The following EPHX2 variants were observed in gnomAD, a reference collection of about 807,000 sequenced individuals.
EPHX2 encodes epoxide hydrolase 2.
A neutral mutation model predicts 78.7 loss-of-function variants in EPHX2; 74 were observed. The ratio of observed to expected loss-of-function variants is 0.94; its 90% CI spans 0.78 to 1.14. The LOEUF (loss-of-function observed/expected upper bound fraction) is 1.14. Among genes scored for constraint, EPHX2 ranks in the 50% most tolerant of loss-of-function variants. The pLI, the probability that EPHX2 is intolerant of heterozygous loss-of-function variation, is 0.00. For synonymous variants in EPHX2, 251 were observed against 255.2 expected (o/e 0.98, Z 0.16); for missense variants, 715 against 702.5 (o/e 1.02, Z -0.20).
intron 14 of EPHX2, 68 bp downstream of exon 14, chr8:27,538,760 G>T: frequency 1.3e-6 from 2 of 1,550,330 alleles, no homozygotes; most frequent in South Asian, 2.2e-5. Context: ...TTCTGTCTCT[G>T]ACTGCTATGG....
chr8:27,515,144 G>C (rs528170608), intron 6 of EPHX2, among the ~76,000 whole-genome samples: 1 of 152,258 alleles, frequency 6.6e-6, no homozygotes, highest in South Asian at 2.1e-4. Context: ...CAGCGAGGCG[G>C]GAAGTGCTGT....
At chr8:27,546,837 T>C (rs2565050), downstream of EPHX2, among the ~76,000 whole-genome samples, 132,012 of 152,186 alleles carry the variant, frequency 0.87, 57,431 homozygotes, top group African/African-American at 0.89. Context: ...AACGAACTAC[T>C]GGAGACTGGC....
intron 12 of EPHX2, among the ~76,000 whole-genome samples, chr8:27,533,135 T>C (rs929409024): frequency 1.3e-5 from 2 of 152,212 alleles, no homozygotes; most frequent in African/African-American, 2.4e-5. Context: ...ATAATAATAA[T>C]GGAGATAATG....
intron 6 of EPHX2, 190 bp downstream of exon 6, chr8:27,512,100 GAAAA>G (rs869166083): frequency 2.2e-3 from 308 of 138,556 alleles, no homozygotes; most frequent in Middle Eastern, 4.7e-3. Flanking sequence ...CCTGTCTCAA[GAAAA>G]AAAAAAAAAA....
chr8:27,512,101 A>C, intron 6 of EPHX2, 191 bp downstream of exon 6: 20 of 155,854 alleles, frequency 1.3e-4, no homozygotes, highest in East Asian at 2.9e-4. Flanking sequence ...CTGTCTCAAG[A>C]AAAAAAAAAA....
chr8:27,499,840 G>A (rs531760175), intron 1 of EPHX2, among the ~76,000 whole-genome samples: 1 of 152,128 alleles, frequency 6.6e-6, no homozygotes, highest in Non-Finnish European at 1.5e-5. Context: ...TGTTAACAGT[G>A]TTCTCCCTGT....
chr8:27,506,930 T>G lies in EPHX2; in HGVS notation c.596T>G (p.Val199Gly). The change falls in exon 5 of 19, where the codon GTC (valine) becomes GGC (glycine). Residue 199 changes from valine to glycine, a missense_variant. Transcript: ENST00000521400. ...AAGCCAGCCCGTGACTTGGGAATGG[T>G]CACCATCCTGGTCCAGGACACTGAC... Reference protein sequence around the residue: ...NLKPARDLGMVTILVQDTDTA... With the variant: ...NLKPARDLGMGTILVQDTDTA... 1 of 1,614,012 alleles carries G rather than the reference T, an allele frequency of 6.2e-7. No individual in the cohort carries two copies. The highest frequency in any genetic ancestry group is 8.5e-7 in the Non-Finnish European group (1 of 1,179,982).
intron 14 of EPHX2, 149 bp from the exon 15 acceptor site, chr8:27,540,405 T>A (rs1453604962): frequency 6.2e-6 from 4 of 642,546 alleles, no homozygotes; most frequent in Non-Finnish European, 1.1e-5. Flanking sequence ...ATGGGATCAC[T>A]CTGGCAAAGG....
intron 16 of EPHX2, among the ~76,000 whole-genome samples, chr8:27,541,867 G>A (rs13257285): frequency 6.6e-6 from 1 of 152,118 alleles, no homozygotes; most frequent in African/African-American, 2.4e-5. Flanking sequence ...GCACCTCCCA[G>A]AAGTGACATG....
chr8:27,491,206 G>C lies in EPHX2; in HGVS notation c.-3G>C, dbSNP rs1382944862. The C allele has an allele frequency of 6.3e-7, 1 of 1,578,704 alleles. No individual in the cohort carries two copies. The highest frequency in any genetic ancestry group is 1.7e-5 in the Admixed American group (1 of 57,946). On this transcript the variant is annotated 5_prime_UTR_variant, in exon 1 of 19. Coordinates refer to ENST00000521400, the MANE Select transcript of EPHX2 (RefSeq NM_001979.6). ...CCGGGTGCTAGGCTGCAGACCCGCC[G>C]CCATGACGCTGCGCGCGGCCGTCTT...
chr8:27,514,165 G>T (rs148865002), intron 6 of EPHX2, among the ~76,000 whole-genome samples: 1 of 152,140 alleles, frequency 6.6e-6, no homozygotes, highest in Non-Finnish European at 1.5e-5. Flanking sequence ...AAAATTAGCT[G>T]GGGTGGTGGT....
At position 27,515,773 on chromosome 8, in the gene EPHX2, G is replaced by C; in HGVS notation, c.791G>C (p.Cys264Ser). 1 of 1,614,088 alleles carries C rather than the reference G, an allele frequency of 6.2e-7. No homozygotes were observed. The highest frequency in any genetic ancestry group is 8.5e-7 in the Non-Finnish European group (1 of 1,180,036). ...GGCTCCGGCCCTGCTGTGTGCCTCT[G>C]CCATGGATTTCCCGAGAGTTGGTAT... is the stretch of plus-strand genomic sequence containing the variant. ...ELGSGPAVCLCHGFPESWYSW... is the reference protein window; with the variant it reads ...ELGSGPAVCLSHGFPESWYSW... The change falls in exon 7 of 19, where the codon TGC becomes TCC. Residue 264 changes from cysteine (C) to serine (S), a missense_variant. Transcript: ENST00000521400.
At chr8:27,534,373 G>A (rs1815143245) in intron 12 of EPHX2, among the ~76,000 whole-genome samples, 1 of 152,160 alleles carries the variant, frequency 6.6e-6, no homozygotes, top group Admixed American at 6.5e-5. Context: ...ACGTCTCACT[G>A]GGCATGGTGG....
At chr8:27,530,853 TC>T (rs1255826674) in intron 12 of EPHX2, among the ~76,000 whole-genome samples, 1 of 149,466 alleles carries the variant, frequency 6.7e-6, no homozygotes, top group African/African-American at 2.5e-5. Flanking sequence ...AACCTCCATC[TC>T]CCGGGTTCAA....
At chr8:27,519,807 G>C (rs1017360415) in intron 9 of EPHX2, among the ~76,000 whole-genome samples, 2 of 152,192 alleles carry the variant, frequency 1.3e-5, no homozygotes, top group Non-Finnish European at 2.9e-5. Context: ...TCCTCTCCAG[G>C]ATGGTGCTTA....
Position 27,525,372 on chromosome 8 carries a change from A to C in EPHX2, c.1069A>C (p.Ser357Arg), listed in dbSNP as rs1391407580. 2 of 1,613,960 alleles carry C rather than the reference A, an allele frequency of 1.2e-6. No homozygotes were observed. The highest frequency in any genetic ancestry group is 4.5e-5 in the East Asian group (2 of 44,878). ...FYPERVRAVA[S>R]LNTPFIPANP... Reference sequence around the variant, plus strand: ...CTCTTATTTCTGTAGGGCGGTGGCCAGTTTGAATACTCCCTTCATACCAGC... The same window carrying C: ...CTCTTATTTCTGTAGGGCGGTGGCCCGTTTGAATACTCCCTTCATACCAGC... Residue 357 changes from serine to arginine, a missense_variant, in exon 12 of 19, where the codon AGT becomes CGT. Coordinates refer to ENST00000521400, the MANE Select transcript of EPHX2 (RefSeq NM_001979.6).
chr8:27,499,192 A>C (rs1348530052), intron 1 of EPHX2, among the ~76,000 whole-genome samples: 1 of 152,220 alleles, frequency 6.6e-6, no homozygotes, highest in Non-Finnish European at 1.5e-5. Context: ...CCATCCATGA[A>C]GGTGGAGCCC....
At chr8:27,547,642 T>C (rs1815597222), downstream of EPHX2, among the ~76,000 whole-genome samples, 1 of 152,204 alleles carries the variant, frequency 6.6e-6, no homozygotes, top group Non-Finnish European at 1.5e-5. Flanking sequence ...TATACAACGC[T>C]AGAACTTACT....
In EPHX2 at chr8:27,544,218, C is replaced by G; in HGVS notation, c.1563C>G (p.Asp521Glu). The G allele has an allele frequency of 6.2e-7, 1 of 1,614,200 alleles. No homozygotes were observed. The highest frequency in any genetic ancestry group is 8.5e-7 in the Non-Finnish European group (1 of 1,180,036). The change falls in exon 18 of 19, where the codon GAC (aspartate) becomes GAG (glutamate). Residue 521 changes from aspartate to glutamate, a missense_variant. Asp to Glu is a conservative substitution (Grantham distance 45, BLOSUM62 2). Transcript: ENST00000521400. ...IPHLKRGHIE[D>E]CGHWTQMDKP... is the part of the protein sequence containing the mutation. ...ACCTGAAAAGGGGACACATTGAGGA[C>G]TGTGGGCACTGGACACAGATGGACA...
Sources: gnomAD v4.1 joint callset for allele counts (sites outside exome capture counted in the v4.1 genomes callset) on GRCh38, gnomAD v4.1.1 for gene constraint, MANE v1.5 for transcripts, NCBI Gene and HGNC (gene_info 2026-07-23, HGNC 2026-07-21) for gene names.